Variants in FARP2 observed in about 807,000 individuals in gnomAD.
FARP2 encodes FERM, ARH/RhoGEF and pleckstrin domain protein 2, also known as FERM, ARHGEF and pleckstrin domain-containing protein 2.
Under a neutral mutation model 130.5 loss-of-function variants are expected in FARP2, and 111 were observed. The ratio of observed to expected loss-of-function variants is 0.85; its 90% CI spans 0.73 to 1.00. FARP2 has a LOEUF of 1.00. Among genes scored for constraint, FARP2 ranks in the 50% least tolerant of loss-of-function variants. FARP2 has a pLI of 0.00. For missense variants in FARP2, 1,385 were observed against 1,346.3 expected, an observed-to-expected ratio of 1.03 and a Z score of -0.45; for synonymous variants, 504 against 516.9, an observed-to-expected ratio of 0.98 and a Z score of 0.34.
At chr2:241,431,934 G>C (rs972555266) in intron 9 of FARP2, among the ~76,000 whole-genome samples, 160 bp downstream of exon 9, 5 of 152,054 alleles carry the variant, frequency 3.3e-5, no homozygotes, top group Non-Finnish European at 5.9e-5. Flanking sequence ...CGATTCTCCT[G>C]CCTCAGCCTC....
chr2:241,487,841 G>A lies in FARP2; in HGVS notation c.2422-2121G>A, dbSNP rs553115287. On this transcript the variant is annotated intron_variant, in intron 21 of 26. Transcript: ENST00000264042. ...TGGCTCTCTGCAAGCTCCACCTCCC[G>A]GGTTCACGCCATTCTCCTACCTCAG... 1.6e-4 allele frequency among the ~76,000 whole-genome samples: 20 copies of A among 122,806 alleles called. No individual in the cohort carries two copies. In the Admixed American group the frequency reaches 1.8e-3, roughly 11 times the overall value. The allele number at this position is 122,806 out of a possible 152,430, so 80.6% of individuals were successfully genotyped here. A position where few individuals can be genotyped will look rare whatever the true frequency, so the allele number is the denominator to read the frequency against.
chr2:241,443,053 C>A, intron 13 of FARP2: 1 of 212,612 alleles, frequency 4.7e-6, no homozygotes, highest in Non-Finnish European at 9.2e-6. Context: ...TAGGCCATGG[C>A]CTCCTGTGTG....
At position 241,441,425 on chromosome 2, in the gene FARP2, G is replaced by C; in HGVS notation, c.1280G>C (p.Ser427Thr). 1.2e-6 allele frequency: 2 copies of C among 1,614,234 alleles called. No homozygotes were observed. The highest frequency in any genetic ancestry group is 1.7e-6 in the Non-Finnish European group (2 of 1,180,050). Residue 427 changes from serine to threonine, a missense_variant, in exon 13 of 27, where the codon AGC becomes ACC. Transcript: ENST00000264042. The part of the protein sequence containing the change: ...SGLPEFKDSS[S>T]SLTDPQVSYV... ...CTGCCAGAGTTTAAGGACAGCAGCA[G>C]CTCCCTCACAGATCCCCAGGTTTCC... is the stretch of plus-strand genomic sequence containing the variant.
At chr2:241,479,396 T>C (rs1241204754) in intron 19 of FARP2, among the ~76,000 whole-genome samples, 2 of 152,204 alleles carry the variant, frequency 1.3e-5, no homozygotes, top group Admixed American at 1.3e-4. Context: ...TGGCCTCGGG[T>C]CTGGCTGCCA....
intron 4 of FARP2, 39 bp from the exon 5 acceptor site, chr2:241,407,498 A>G: frequency 7.1e-7 from 1 of 1,404,608 alleles, no homozygotes; most frequent in Non-Finnish European, 1.0e-6. Flanking sequence ...AAATGCAAAG[A>G]TCGGCCTTAT....
intron 4 of FARP2, among the ~76,000 whole-genome samples, chr2:241,405,101 A>G (rs1310347695): frequency 1.3e-5 from 2 of 152,248 alleles, no homozygotes; most frequent in Non-Finnish European, 2.9e-5. Flanking sequence ...GCCAATATGC[A>G]AAAATAACTG....
At chr2:241,448,934 G>A (rs557632613) in intron 13 of FARP2, among the ~76,000 whole-genome samples, 8 of 152,332 alleles carry the variant, frequency 5.3e-5, no homozygotes, top group African/African-American at 1.7e-4. Context: ...CAGTGATGCC[G>A]GGTAGGGAGG....
chr2:241,466,757 A>T, intron 17 of FARP2: 1 of 248,284 alleles, frequency 4.0e-6, no homozygotes, highest in Non-Finnish European at 6.4e-6. Context: ...CTGGAGAAAC[A>T]TTCCCCACTC....
chr2:241,476,086 A>C (rs2064450625), intron 19 of FARP2, 99 bp downstream of exon 19: 1 of 1,246,116 alleles, frequency 8.0e-7, no homozygotes. Flanking sequence ...AAAATGTATA[A>C]TTTTGGCCAG....
intron 8 of FARP2, among the ~76,000 whole-genome samples, chr2:241,419,699 CCAA>C (rs1241002557): frequency 2.6e-5 from 4 of 152,176 alleles, no homozygotes; most frequent in African/African-American, 9.7e-5. Context: ...ACAGTGCAAG[CCAA>C]CATGTTCCCA....
chr2:241,376,417 A>G (rs533081062), intron 2 of FARP2, among the ~76,000 whole-genome samples: 2 of 152,206 alleles, frequency 1.3e-5, no homozygotes, highest in African/African-American at 2.4e-5. Flanking sequence ...TACCCTGACA[A>G]ATATTGCCAG....
intron 5 of FARP2, 70 bp downstream of exon 5, chr2:241,407,685 C>A: frequency 8.5e-7 from 1 of 1,181,474 alleles, no homozygotes; most frequent in Non-Finnish European, 1.3e-6. Flanking sequence ...TCCCACAGCA[C>A]CTGGCTCATT....
intron 8 of FARP2, among the ~76,000 whole-genome samples, chr2:241,429,749 T>G (rs2063045774): frequency 6.6e-6 from 1 of 152,176 alleles, no homozygotes; most frequent in South Asian, 2.1e-4. Flanking sequence ...TTACCTGAGA[T>G]GCCCATCTGC....
chr2:241,448,960 G>T (rs530078267), intron 13 of FARP2, among the ~76,000 whole-genome samples: 4 of 152,360 alleles, frequency 2.6e-5, no homozygotes, highest in African/African-American at 9.6e-5. Context: ...TGAATGCACA[G>T]TAAGAGATGA....
intron 2 of FARP2, 142 bp from the exon 3 acceptor site, chr2:241,403,686 A>G (rs1221620071): frequency 2.3e-6 from 1 of 433,932 alleles, no homozygotes; most frequent in Non-Finnish European, 4.1e-6. Flanking sequence ...TTTTTTTTTT[A>G]TATATAGTTT....
chr2:241,456,574 T>C, intron 13 of FARP2, 173 bp from the exon 14 acceptor site: 2 of 645,740 alleles, frequency 3.1e-6, no homozygotes, highest in Non-Finnish European at 5.5e-6. Flanking sequence ...ATTTTCATTT[T>C]ATGTCATGTT....
intron 21 of FARP2, among the ~76,000 whole-genome samples, chr2:241,485,978 C>G (rs1338475561): frequency 6.6e-6 from 1 of 152,252 alleles, no homozygotes; most frequent in Non-Finnish European, 1.5e-5. Flanking sequence ...CGCCAAAACC[C>G]TCAGGCAGGT....
At position 241,434,223 on chromosome 2, in the gene FARP2, G is replaced by T. The variant is rs766090497; in HGVS notation, c.933G>T (p.Lys311Asn). ...GSRDECKNFW[K>N]ICVEYHTFFR... Reference sequence around the variant, plus strand: ...GAGATGAATGTAAGAACTTCTGGAAGATTTGTGTGGAGTATCACACCTTTT... The same window carrying T: ...GAGATGAATGTAAGAACTTCTGGAATATTTGTGTGGAGTATCACACCTTTT... The change falls in exon 10 of 27, where the codon AAG (lysine) becomes AAT (asparagine). Residue 311 changes from lysine (K) to asparagine (N), a missense_variant. Lys to Asn is a moderately conservative substitution (Grantham distance 94). Coordinates refer to ENST00000264042, the MANE Select transcript of FARP2 (RefSeq NM_014808.4). The T allele has an allele frequency of 1.2e-6, 2 of 1,613,952 alleles. No individual in the cohort carries two copies. Among genetic ancestry groups the T allele is most frequent in the Admixed American group, 1.7e-5 (1 of 60,002 alleles).
chr2:241,395,325 C>T (rs980338373), intron 2 of FARP2: 2 of 152,162 alleles, frequency 1.3e-5, no homozygotes, highest in Non-Finnish European at 2.9e-5. Flanking sequence ...CCAAAAAGTT[C>T]AAAGAGCTAA....
Sources: allele counts gnomAD v4.1 joint callset (sites outside exome capture counted in the v4.1 genomes callset), GRCh38; gene constraint gnomAD v4.1.1; transcripts MANE v1.5; gene names NCBI Gene and HGNC (gene_info 2026-07-23, HGNC 2026-07-21).